PRKN: variants seen among roughly 807,000 people sequenced by gnomAD.
PRKN encodes the protein parkin RBR E3 ubiquitin protein ligase.
Under a neutral mutation model 59.5 loss-of-function variants are expected in PRKN, and 56 were observed. The observed-to-expected ratio is 0.94, with a 90% CI of 0.76 to 1.18. The LOEUF (loss-of-function observed/expected upper bound fraction) is 1.18. Ranked by LOEUF, PRKN falls within the 50% of genes most tolerant of loss-of-function variation. The pLI, the probability that PRKN is intolerant of heterozygous loss-of-function variation, is 0.00. For missense variants in PRKN, 657 were observed against 596.4 expected (o/e 1.10, Z -1.06); for synonymous variants, 250 against 222.1 (o/e 1.13, Z -1.12).
intron 7 of PRKN, among the ~76,000 whole-genome samples, chr6:161,659,843 T>A (rs980499938): frequency 2.6e-5 from 4 of 152,146 alleles, no homozygotes; most frequent in African/African-American, 9.7e-5. Context: ...TCCACACTTA[T>A]TCAGGTTCTA....
chr6:162,381,027 G>A (rs575975103), intron 2 of PRKN, among the ~76,000 whole-genome samples: 7 of 152,182 alleles, frequency 4.6e-5, no homozygotes, highest in African/African-American at 1.7e-4. Context: ...ATCCGCAGGC[G>A]AACCGTTCTT....
chr6:162,371,752 T>C (rs1354416607), intron 2 of PRKN, among the ~76,000 whole-genome samples: 2 of 152,190 alleles, frequency 1.3e-5, no homozygotes, highest in African/African-American at 4.8e-5. Context: ...ATCACTTCTA[T>C]TTCCAGTTCT....
intron 4 of PRKN, among the ~76,000 whole-genome samples, chr6:162,169,623 T>C (rs1454099234): frequency 2.0e-5 from 3 of 152,124 alleles, no homozygotes; most frequent in Non-Finnish European, 2.9e-5. Flanking sequence ...GGTGTAGGAG[T>C]TGGATGAATA....
rs1781602722 is a variant in PRKN, at chr6:161,588,598, G to A, written c.872-19182C>T. 6.6e-6 allele frequency among the ~76,000 whole-genome samples: 1 copy of A among 152,054 alleles called. No homozygotes were observed. The highest frequency in any genetic ancestry group is 6.5e-5 in the Admixed American group (1 of 15,272). On this transcript the variant is annotated intron_variant, in intron 7 of 11. Transcript: ENST00000366898. The surrounding 1 kb of genome is among the most constrained non-coding windows in gnomAD (Gnocchi z 5.0). Reference sequence around the variant, plus strand: ...AAGTAAGGGCAAACTGGGAGGTGGGGCTGGACCTCTCGGTGCATACCGTAA... The same window carrying A: ...AAGTAAGGGCAAACTGGGAGGTGGGACTGGACCTCTCGGTGCATACCGTAA...
chr6:162,053,197 C>T (rs1022668598), intron 5 of PRKN, among the ~76,000 whole-genome samples: 7 of 152,112 alleles, frequency 4.6e-5, no homozygotes, highest in African/African-American at 1.4e-4. Flanking sequence ...GGTATCCTTC[C>T]GATCAGCCAG....
At chr6:161,690,641 C>A (rs1333286411) in intron 7 of PRKN, among the ~76,000 whole-genome samples, 2 of 152,188 alleles carry the variant, frequency 1.3e-5, no homozygotes. Context: ...AATGGATGGG[C>A]AGCATCCCAT....
chr6:161,487,190 A>G lies in PRKN; in HGVS notation c.1083+61664T>C, dbSNP rs76646507. On this transcript the variant is annotated intron_variant, in intron 9 of 11. Transcript: ENST00000366898. The surrounding 1 kb of genome is among the most constrained non-coding windows in gnomAD (Gnocchi z 5.3). Reference sequence around the variant, plus strand: ...ATGGATCATGTTTAATCCAAAAGCAATTCTGAGTGAAGTCCTATCCCTCAA... The same window carrying G: ...ATGGATCATGTTTAATCCAAAAGCAGTTCTGAGTGAAGTCCTATCCCTCAA... Among the ~76,000 whole-genome samples, 1 of 152,358 alleles carries G rather than the reference A, an allele frequency of 6.6e-6. No homozygotes were observed. The highest frequency in any genetic ancestry group is 1.5e-5 in the Non-Finnish European group (1 of 68,038).
chr6:162,339,291 G>C (rs1425829254), intron 2 of PRKN, among the ~76,000 whole-genome samples: 1 of 139,014 alleles, frequency 7.2e-6, no homozygotes, highest in Non-Finnish European at 1.6e-5. Context: ...GGAGGGAGGT[G>C]GGGGGGTCAG....
chr6:162,308,465 T>C (rs1287923325), intron 2 of PRKN, among the ~76,000 whole-genome samples: 1 of 152,196 alleles, frequency 6.6e-6, no homozygotes, highest in Non-Finnish European at 1.5e-5. Flanking sequence ...TTAATATTTA[T>C]TGCTTGTAGT....
chr6:162,678,537 C>T (rs1779639911), intron 1 of PRKN, among the ~76,000 whole-genome samples: 1 of 152,150 alleles, frequency 6.6e-6, no homozygotes, highest in South Asian at 2.1e-4. Flanking sequence ...TACATTTCCC[C>T]AATGACTAAT....
At chr6:161,403,889 C>T (rs1187223991) in intron 9 of PRKN, among the ~76,000 whole-genome samples, 7 of 152,172 alleles carry the variant, frequency 4.6e-5, no homozygotes, top group Admixed American at 4.6e-4. Context: ...CTTTGCCCTT[C>T]TGCCTATCTG....
At chr6:162,377,164 C>G (rs747534867) in intron 2 of PRKN, among the ~76,000 whole-genome samples, 14 of 152,122 alleles carry the variant, frequency 9.2e-5, no homozygotes, top group Non-Finnish European at 2.1e-4. Flanking sequence ...TAGCCAATAC[C>G]CTCTAAAGTA....
At chr6:161,778,430 T>A (rs1290875269) in intron 7 of PRKN, among the ~76,000 whole-genome samples, 4 of 152,190 alleles carry the variant, frequency 2.6e-5, no homozygotes, top group Admixed American at 2.6e-4. Flanking sequence ...AAGGAACCGA[T>A]GGCTTTAGGG....
rs1786595377 is a variant in PRKN at position 161,393,201 on chromosome 6, C to T, written c.1084-6324G>A. On this transcript the variant is annotated intron_variant, in intron 9 of 11. Coordinates refer to ENST00000366898, the MANE Select transcript of PRKN (RefSeq NM_004562.3). This position sits in a 1 kb window ranked among gnomAD's most constrained non-coding sequence, Gnocchi z 4.7. Reference sequence around the variant, plus strand: ...ACACAACAACACAACAAATAGTTTTCTCCATGGGGCTATGATGTTTAACAA... The same window carrying T: ...ACACAACAACACAACAAATAGTTTTTTCCATGGGGCTATGATGTTTAACAA... 6.6e-6 allele frequency among the ~76,000 whole-genome samples: 1 copy of T among 151,418 alleles called. No homozygotes were observed. Among genetic ancestry groups the T allele is most frequent in the South Asian group, 2.1e-4 (1 of 4,780 alleles).
chr6:161,638,420 C>A (rs998321675), intron 7 of PRKN, among the ~76,000 whole-genome samples: 3 of 152,134 alleles, frequency 2.0e-5, no homozygotes, highest in Non-Finnish European at 4.4e-5. Context: ...CAGGTGTGAG[C>A]CATCGTGTCC....
intron 7 of PRKN, among the ~76,000 whole-genome samples, chr6:161,718,362 A>T (rs1240229791): frequency 2.2e-5 from 3 of 138,482 alleles, no homozygotes; most frequent in Admixed American, 1.3e-4. Flanking sequence ...CATATGACTC[A>T]GTTTCCCTAC....
At chr6:161,892,770 T>G (rs1326761881) in intron 6 of PRKN, among the ~76,000 whole-genome samples, 1 of 152,188 alleles carries the variant, frequency 6.6e-6, no homozygotes, top group East Asian at 1.9e-4. Context: ...AATTTTAAGT[T>G]AAAAATTAAT....
intron 7 of PRKN, among the ~76,000 whole-genome samples, chr6:161,743,606 G>A (rs983905397): frequency 4.6e-5 from 7 of 151,502 alleles, no homozygotes; most frequent in East Asian, 2.0e-4. Flanking sequence ...TATAATTCAC[G>A]TCCATCCCTT....
At position 161,429,084 on chromosome 6, in the gene PRKN, T is replaced by C. The variant is rs1788527512; in HGVS notation, c.1084-42207A>G. On this transcript the variant is annotated intron_variant, in intron 9 of 11. Transcript: ENST00000366898. The surrounding 1 kb of genome is among the most constrained non-coding windows in gnomAD (Gnocchi z 4.2). ...TTCTCTTAGACAGGACACCTGCAGA[T>C]GGCACCTTTGCTAACCTTGATTGTG... 1.3e-5 allele frequency among the ~76,000 whole-genome samples: 2 copies of C among 152,250 alleles called. No homozygotes were observed. The highest frequency in any genetic ancestry group is 4.8e-5 in the African/African-American group (2 of 41,456).
Sources: allele counts gnomAD v4.1 joint callset (sites outside exome capture counted in the v4.1 genomes callset), GRCh38; gene constraint gnomAD v4.1.1; non-coding constraint Gnocchi (gnomAD v3.1); transcripts MANE v1.5; gene names NCBI Gene and HGNC (gene_info 2026-07-23, HGNC 2026-07-21).